The following NEBL variants were observed in gnomAD, a reference collection of about 807,000 sequenced individuals.
NEBL encodes the protein LIM and SH3 protein 2.
NEBL carries 122 observed loss-of-function variants against 140.2 expected under a neutral mutation model. The observed-to-expected ratio is 0.87, with a 90% CI of 0.75 to 1.01. The LOEUF is 1.01. Ranked by LOEUF, NEBL falls within the 50% of genes least tolerant of loss-of-function variation. The probability of loss-of-function intolerance (pLI) is 0.00; values close to 1 mark genes in which losing one functional copy is unlikely to be tolerated. For synonymous variants in NEBL, 436 were observed against 398.9 expected, an observed-to-expected ratio of 1.09 and a Z score of -1.11; for missense variants, 1,365 against 1,231.3, an observed-to-expected ratio of 1.11 and a Z score of -1.62.
At chr10:21,229,810 T>A (rs978415359) in intron 3 of NEBL, among the ~76,000 whole-genome samples, 3 of 152,220 alleles carry the variant, frequency 2.0e-5, no homozygotes, top group Non-Finnish European at 4.4e-5. Flanking sequence ...AAAATGGGGA[T>A]AACATGTGCC....
intron 4 of NEBL, among the ~76,000 whole-genome samples, chr10:20,936,422 A>C (rs1184795995): frequency 6.6e-6 from 1 of 152,230 alleles, no homozygotes; most frequent in Non-Finnish European, 1.5e-5. Flanking sequence ...GAACCTAAAA[A>C]ATGGTGGACA....
At chr10:21,177,678 C>A (rs1189132978), upstream of NEBL, among the ~76,000 whole-genome samples, 5 of 151,898 alleles carry the variant, frequency 3.3e-5, no homozygotes, top group Admixed American at 3.3e-4. Flanking sequence ...TACAGGTGCC[C>A]ACCACCACGC....
rs1005113389 is a variant in NEBL at position 21,185,744 on chromosome 10, C to T, written n.349-13267G>A. On this transcript the variant is annotated intron_variant and non_coding_transcript_variant, in intron 3 of 8. Coordinates refer to the NEBL transcript ENST00000675702. ...ACTCCTGACCTCAGTTGATCCACCT[C>T]GCCTCAGCCTCCCAAAGTGTTGGGA... Among the ~76,000 whole-genome samples the T allele has an allele frequency of 8.9e-4, 135 of 151,988 alleles. 1 individual carries two copies. The highest frequency in any genetic ancestry group is 3.0e-3 in the African/African-American group (123 of 41,456).
chr10:20,855,525 CAA>C (rs71390796), intron 9 of NEBL, among the ~76,000 whole-genome samples: 1 of 137,046 alleles, frequency 7.3e-6, no homozygotes, highest in African/African-American at 2.6e-5. Flanking sequence ...CAAAACAAAA[CAA>C]AAAAAAAACG....
chr10:21,238,716 TAAAAAAAA>T (rs35732687), intron 3 of NEBL, among the ~76,000 whole-genome samples: 60 of 94,486 alleles, frequency 6.4e-4, no homozygotes, highest in African/African-American at 1.9e-3. Context: ...TCAAAAAAAT[TAAAAAAAA>T]AAAAAAAAAA....
At chr10:21,225,300 G>C (rs192790555) in intron 3 of NEBL, among the ~76,000 whole-genome samples, 330 of 152,216 alleles carry the variant, frequency 2.2e-3, no homozygotes, top group African/African-American at 7.7e-3. Context: ...GCACCCCTGT[G>C]ACCACCATGA....
At chr10:20,831,719 T>C in intron 14 of NEBL, 136 bp from the exon 15 acceptor site, 1 of 654,248 alleles carries the variant, frequency 1.5e-6, no homozygotes, top group Admixed American at 2.6e-5. Flanking sequence ...TTCTATAGAA[T>C]AATAGAGTTT....
At chr10:20,873,490 G>A (rs1450921170) in intron 5 of NEBL, among the ~76,000 whole-genome samples, 3 of 151,972 alleles carry the variant, frequency 2.0e-5, no homozygotes, top group African/African-American at 7.3e-5. Flanking sequence ...GGAGGAGGAG[G>A]GGGAAAAGAG....
At chr10:20,943,418 C>T (rs1305729392) in intron 4 of NEBL, among the ~76,000 whole-genome samples, 4 of 152,168 alleles carry the variant, frequency 2.6e-5, no homozygotes, top group African/African-American at 9.7e-5. Context: ...GGAAGGGGAA[C>T]ATCACACACC....
chr10:21,019,968 T>C (rs570111906), intron 3 of NEBL: 2 of 737,890 alleles, frequency 2.7e-6, no homozygotes, highest in Non-Finnish European at 4.9e-6. Flanking sequence ...GTTCAACACT[T>C]TCACCCGGAA....
At chr10:21,223,357 A>G (rs573294588) in intron 3 of NEBL, among the ~76,000 whole-genome samples, 67 of 152,318 alleles carry the variant, frequency 4.4e-4, no homozygotes, top group African/African-American at 1.6e-3. Flanking sequence ...AGTTACATCC[A>G]TGTTATTACA....
intron 2 of NEBL, among the ~76,000 whole-genome samples, chr10:21,090,874 C>G (rs1294969894): frequency 6.6e-6 from 1 of 152,128 alleles, no homozygotes; most frequent in Non-Finnish European, 1.5e-5. Context: ...ATCTCCAACC[C>G]ACCAGCAGAT....
At chr10:21,203,643 G>A (rs1183249781) in intron 3 of NEBL, among the ~76,000 whole-genome samples, 1 of 152,210 alleles carries the variant, frequency 6.6e-6, no homozygotes, top group African/African-American at 2.4e-5. Flanking sequence ...AATGGCTTTT[G>A]CAACAGGTCT....
chr10:21,135,802 A>G (rs903564482), intron 2 of NEBL, among the ~76,000 whole-genome samples: 1 of 152,152 alleles, frequency 6.6e-6, no homozygotes. Context: ...TCCTATTTTC[A>G]GTGGTCACCC....
At chr10:21,125,695 C>T in intron 2 of NEBL, 1 of 620,992 alleles carries the variant, frequency 1.6e-6, no homozygotes, top group Non-Finnish European at 2.8e-6. Context: ...ACACTCCTTC[C>T]TCCCTGCACC....
intron 21 of NEBL, among the ~76,000 whole-genome samples, chr10:20,816,538 C>T (rs1008082530): frequency 5.9e-5 from 9 of 152,160 alleles, no homozygotes; most frequent in African/African-American, 9.7e-5. Flanking sequence ...GAAAGATGAG[C>T]GTCTACTTCT....
At chr10:21,050,829 C>T (rs556087226) in intron 2 of NEBL, among the ~76,000 whole-genome samples, 5 of 152,230 alleles carry the variant, frequency 3.3e-5, no homozygotes, top group African/African-American at 4.8e-5. Context: ...AGTCATGAAG[C>T]CATTTGGCTG....
At chr10:20,865,565 C>A (rs1013739288) in intron 7 of NEBL, among the ~76,000 whole-genome samples, 3 of 152,072 alleles carry the variant, frequency 2.0e-5, no homozygotes, top group Non-Finnish European at 4.4e-5. Context: ...GATGGGGAAT[C>A]TTTGTCCCCA....
chr10:21,150,496 C>CT (rs1840095138), intron 2 of NEBL, among the ~76,000 whole-genome samples: 3 of 152,192 alleles, frequency 2.0e-5, no homozygotes, highest in Non-Finnish European at 4.4e-5. Flanking sequence ...TGAAGAAAAA[C>CT]ATGAAGTCAC....
Sources: gnomAD v4.1 joint callset for allele counts (sites outside exome capture counted in the v4.1 genomes callset) on GRCh38, gnomAD v4.1.1 for gene constraint, MANE v1.5 for transcripts, NCBI Gene and HGNC (gene_info 2026-07-23, HGNC 2026-07-21) for gene names.